UGT1A9: variants seen among roughly 807,000 people sequenced by gnomAD.
UGT1A9 encodes the protein UDP-glucuronosyltransferase 1A9.
In UGT1A9, 35 loss-of-function variants were observed where a neutral mutation model predicts 45.0. That is an observed-to-expected ratio of 0.78 (90% CI 0.59 to 1.03). UGT1A9 has a LOEUF of 1.03. Among genes scored for constraint, UGT1A9 ranks in the 50% least tolerant of loss-of-function variants. The pLI is 0.00. For missense variants in UGT1A9, 687 were observed against 666.6 expected (o/e 1.03, Z -0.34); for synonymous variants, 278 against 250.6 (o/e 1.11, Z -1.03).
chr2:233,699,590 C>A (rs2075514106), intron 1 of UGT1A9, among the ~76,000 whole-genome samples: 1 of 152,192 alleles, frequency 6.6e-6, no homozygotes, highest in Admixed American at 6.5e-5. Flanking sequence ...ATCCTTTCTT[C>A]CCAGCCTGGT....
intron 1 of UGT1A9, chr2:233,729,977 GGAA>G: frequency 1.2e-6 from 2 of 1,614,018 alleles, no homozygotes; most frequent in African/African-American, 2.7e-5. Flanking sequence ...TGTGCCAACA[GGAA>G]GCCACTATCT....
intron 1 of UGT1A9, chr2:233,719,117 G>T (rs761490999): frequency 6.2e-7 from 1 of 1,614,140 alleles, no homozygotes; most frequent in African/African-American, 1.3e-5. Flanking sequence ...ACACTCAAGG[G>T]TTCTTTGAAA....
In UGT1A9 at chr2:233,768,557, A is replaced by G. The variant is rs28946891; in HGVS notation, c.1295+118A>G. 5 of 1,466,482 alleles carry G rather than the reference A, an allele frequency of 3.4e-6. No individual in the cohort carries two copies. The African/African-American group carries it at 7.2e-5, about 21-fold the overall frequency. 90.8% of individuals were successfully genotyped at this position (1,466,482 alleles called of 1,614,324 possible). On this transcript the variant is annotated intron_variant, in intron 4 of 4. Coordinates refer to ENST00000354728, the MANE Select transcript of UGT1A9 (RefSeq NM_021027.3). ...TTGTTTCAAATATAAAAACAAATAC[A>G]TAAAAATCTGGATTTTTATTTCTTC... is the stretch of plus-strand genomic sequence containing the variant.
At chr2:233,719,054 A>G (rs1258988641) in intron 1 of UGT1A9, 3 of 1,614,260 alleles carry the variant, frequency 1.9e-6, no homozygotes, top group Non-Finnish European at 2.5e-6. Flanking sequence ...TCACCCTGAC[A>G]GCCTATGCTG....
In UGT1A9 at chr2:233,719,168, T is replaced by G. The variant is rs1202848834; in HGVS notation, c.855+46379T>G. ...AGAGATATTCTAGAAGTATGGCAAT[T>G]ATGAACAATGTATCTTTGGCCCTTC... On this transcript the variant is annotated intron_variant, in intron 1 of 4. Transcript: ENST00000354728. 2 of 1,614,224 alleles carry G rather than the reference T, an allele frequency of 1.2e-6. No individual in the cohort carries two copies. Among genetic ancestry groups the G allele is most frequent in the Admixed American group, 1.7e-5 (1 of 60,034 alleles).
At chr2:233,721,966 T>C (rs1022053343) in intron 1 of UGT1A9, 4 of 298,750 alleles carry the variant, frequency 1.3e-5, no homozygotes, top group Admixed American at 7.9e-5. Flanking sequence ...TATGCATACA[T>C]TGATGGCCTG....
At chr2:233,757,560 A>ATATATATATATATG (rs904896556) in intron 1 of UGT1A9, among the ~76,000 whole-genome samples, 2 of 123,156 alleles carry the variant, frequency 1.6e-5, no homozygotes, top group African/African-American at 6.8e-5. Flanking sequence ...ATATATATAT[A>ATATATATATATATG]TGTATATATG....
At chr2:233,760,686 C>T in intron 1 of UGT1A9, 1 of 1,614,220 alleles carries the variant, frequency 6.2e-7, no homozygotes, top group African/African-American at 1.3e-5. Flanking sequence ...TACTGCACAA[C>T]AAGGAGCTCA....
chr2:233,706,644 G>A (rs908967467), intron 1 of UGT1A9, among the ~76,000 whole-genome samples: 2 of 152,156 alleles, frequency 1.3e-5, no homozygotes, highest in African/African-American at 4.8e-5. Context: ...CTGTGTCTGT[G>A]CCCCATCACT....
At chr2:233,713,439 C>T (rs28946886) in intron 1 of UGT1A9, 1 of 1,614,136 alleles carries the variant, frequency 6.2e-7, no homozygotes, top group Non-Finnish European at 8.5e-7. Context: ...TGATGTGGTT[C>T]TAACAGACCC....
rs553805330 is a variant in UGT1A9, at chr2:233,754,902, A to C, written c.856-12132A>C. On this transcript the variant is annotated intron_variant, in intron 1 of 4. Coordinates refer to ENST00000354728, the MANE Select transcript of UGT1A9 (RefSeq NM_021027.3). ...TCCCAGGGAGTTCCTCTGACCCCCC[A>C]AAATATTCTCCAGCGGGTTTCCCAA... 31 of 1,352,320 alleles carry C rather than the reference A, an allele frequency of 2.3e-5. No individual in the cohort carries two copies. The East Asian group carries it at 6.4e-4, about 28-fold the overall frequency. 83.8% of individuals were successfully genotyped at this position (1,352,320 alleles called of 1,614,324 possible).
At chr2:233,757,561 T>TATATATATA (rs71058576) in intron 1 of UGT1A9, among the ~76,000 whole-genome samples, 1 of 121,178 alleles carries the variant, frequency 8.3e-6, no homozygotes, top group Non-Finnish European at 1.7e-5. Context: ...TATATATATA[T>TATATATATA]GTATATATGA....
chr2:233,735,459 T>C (rs1405136849), intron 1 of UGT1A9, among the ~76,000 whole-genome samples: 1 of 152,220 alleles, frequency 6.6e-6, no homozygotes, highest in African/African-American at 2.4e-5. Context: ...CTTGACTCTT[T>C]ATCCAATTTG....
At chr2:233,721,562 G>C (rs1409521853) in intron 1 of UGT1A9, 1 of 161,154 alleles carries the variant, frequency 6.2e-6, no homozygotes, top group Non-Finnish European at 1.4e-5. Context: ...GTTTCTTCTG[G>C]GATATCTTTT....
chr2:233,744,623 G>A (rs1465647088), intron 1 of UGT1A9, among the ~76,000 whole-genome samples: 4 of 151,984 alleles, frequency 2.6e-5, no homozygotes, highest in Admixed American at 6.5e-5. Context: ...CTATAGAGAG[G>A]TGGATTCTCA....
chr2:233,719,330 G>GT, intron 1 of UGT1A9: 2 of 1,613,866 alleles, frequency 1.2e-6, no homozygotes, highest in Non-Finnish European at 8.5e-7. Context: ...TTCCTGCTGT[G>GT]TTTTTTTGGA....
At chr2:233,753,850 C>G (rs929195641) in intron 1 of UGT1A9, among the ~76,000 whole-genome samples, 1 of 152,312 alleles carries the variant, frequency 6.6e-6, no homozygotes, top group Non-Finnish European at 1.5e-5. Flanking sequence ...ATATCATTGA[C>G]CAACCACATA....
intron 1 of UGT1A9, chr2:233,740,614 G>C (rs1166695020): frequency 6.6e-6 from 1 of 151,764 alleles, no homozygotes; most frequent in Non-Finnish European, 1.5e-5. Context: ...AGGTCTCTTG[G>C]GGCTCACAGG....
intron 1 of UGT1A9, among the ~76,000 whole-genome samples, chr2:233,710,566 G>T (rs1422927830): frequency 6.6e-6 from 1 of 152,066 alleles, no homozygotes; most frequent in Non-Finnish European, 1.5e-5. Context: ...CTTTTAAAAG[G>T]TGCCCTTTCA....
Sources: allele counts gnomAD v4.1 joint callset (sites outside exome capture counted in the v4.1 genomes callset), GRCh38; gene constraint gnomAD v4.1.1; transcripts MANE v1.5; gene names NCBI Gene and HGNC (gene_info 2026-07-23, HGNC 2026-07-21).